Variants in SNTG2 observed in about 807,000 individuals in gnomAD.
SNTG2 encodes syntrophin gamma 2, also known as gamma-2-syntrophin.
In SNTG2, 74 loss-of-function variants were observed where a neutral mutation model predicts 70.9. The observed-to-expected ratio is 1.04, with a 90% CI of 0.86 to 1.27. The LOEUF is 1.27. Ranked by LOEUF, SNTG2 falls within the 50% of genes most tolerant of loss-of-function variation. SNTG2 has a pLI of 0.00. For synonymous variants in SNTG2, 278 were observed against 273.8 expected, an observed-to-expected ratio of 1.02 and a Z score of -0.15; for missense variants, 717 against 690.7, an observed-to-expected ratio of 1.04 and a Z score of -0.43.
intron 9 of SNTG2, among the ~76,000 whole-genome samples, chr2:1,215,784 T>C: frequency 6.9e-6 from 1 of 145,260 alleles, no homozygotes; most frequent in Non-Finnish European, 1.5e-5. Flanking sequence ...AATTCCCACC[T>C]ATGAGTGAGA....
chr2:1,020,123 T>G (rs1337835486), intron 1 of SNTG2, among the ~76,000 whole-genome samples: 1 of 152,208 alleles, frequency 6.6e-6, no homozygotes, highest in Non-Finnish European at 1.5e-5. Context: ...CATGAATCTC[T>G]TCTGATATTA....
In SNTG2 at chr2:1,347,415, C is replaced by G. The variant is rs147431371; in HGVS notation, c.1489-19928C>G. ...AAGTCAGACCCCAGCTGACCCTCAC[C>G]AGCCCTGCCCAGAGACTAGGACCAT... On this transcript the variant is annotated intron_variant, in intron 16 of 16. Transcript: ENST00000308624. Among the ~76,000 whole-genome samples, 5 of 152,316 alleles carry G rather than the reference C, an allele frequency of 3.3e-5. No individual in the cohort carries two copies. The East Asian group carries it at 9.7e-4, about 29-fold the overall frequency.
At position 1,330,819 on chromosome 2, in the gene SNTG2, C is replaced by T. The variant is rs377639189; in HGVS notation, c.1488+14444C>T. ...CAGCGGGTGTTGCCAACGGGGTGCCCCTTAAAGGAGAGCTCAGTTTTGGTA... is the reference window on the plus strand; with the variant it reads ...CAGCGGGTGTTGCCAACGGGGTGCCTCTTAAAGGAGAGCTCAGTTTTGGTA... On this transcript the variant is annotated intron_variant, in intron 16 of 16. Transcript: ENST00000308624. Among the ~76,000 whole-genome samples the T allele has an allele frequency of 6.6e-5, 10 of 152,204 alleles. No individual in the cohort carries two copies. In the South Asian group the frequency reaches 1.2e-3, roughly 19 times the overall value.
intron 14 of SNTG2, among the ~76,000 whole-genome samples, chr2:1,302,932 G>A (rs1307217304): frequency 6.6e-6 from 1 of 152,058 alleles, no homozygotes; most frequent in African/African-American, 2.4e-5. Context: ...CAGTCCACCG[G>A]GAAGACCCAG....
At chr2:1,244,247 C>A (rs374521445) in intron 11 of SNTG2, among the ~76,000 whole-genome samples, 4 of 152,200 alleles carry the variant, frequency 2.6e-5, no homozygotes, top group Admixed American at 1.3e-4. Context: ...GGGATGTGTT[C>A]GCCATTCGCT....
chr2:1,036,398 G>A (rs1487007333), intron 1 of SNTG2, among the ~76,000 whole-genome samples: 3 of 151,828 alleles, frequency 2.0e-5, no homozygotes, highest in Non-Finnish European at 4.4e-5. Flanking sequence ...ACTATAATCA[G>A]TCTTTGCCTT....
intron 1 of SNTG2, among the ~76,000 whole-genome samples, chr2:977,151 G>C (rs758936907): frequency 6.6e-6 from 1 of 152,182 alleles, no homozygotes; most frequent in Non-Finnish European, 1.5e-5. Flanking sequence ...GGGAGAGCCT[G>C]TTCCTATCAC....
intron 1 of SNTG2, among the ~76,000 whole-genome samples, chr2:995,604 G>A (rs1324303059): frequency 2.0e-5 from 3 of 152,088 alleles, no homozygotes; most frequent in African/African-American, 4.8e-5. Flanking sequence ...GATGTTTTTA[G>A]AAGAGTTTGT....
intron 11 of SNTG2, among the ~76,000 whole-genome samples, chr2:1,244,716 A>C (rs952608812): frequency 7.0e-6 from 1 of 142,624 alleles, no homozygotes; most frequent in African/African-American, 2.6e-5. Context: ...AAAAAAAAAA[A>C]CAGTTTGCAA....
chr2:1,024,396 G>GTC (rs1660362747), intron 1 of SNTG2, among the ~76,000 whole-genome samples: 1 of 152,034 alleles, frequency 6.6e-6, no homozygotes, highest in South Asian at 2.1e-4. Context: ...TTTAGACAGG[G>GTC]TCTCCATCTG....
chr2:1,088,928 C>T (rs781702751), intron 2 of SNTG2, among the ~76,000 whole-genome samples: 29 of 152,236 alleles, frequency 1.9e-4, no homozygotes, highest in Non-Finnish European at 2.9e-4. Flanking sequence ...GATGGCATGG[C>T]GAGGCAGTAT....
rs116197781 is a variant in SNTG2, at chr2:961,092, T to C, written c.72+10024T>C. On this transcript the variant is annotated intron_variant, in intron 1 of 16. Transcript: ENST00000308624. ...GATATAAATCTTTATCTTACTGATA[T>C]TGCCAGAGTTTCTAGTAAATGAGAA... 5.7e-3 allele frequency among the ~76,000 whole-genome samples: 875 copies of C among 152,380 alleles called. 10 individuals carry two copies. The highest frequency in any genetic ancestry group is 0.02 in the African/African-American group (825 of 41,584).
intron 8 of SNTG2, among the ~76,000 whole-genome samples, chr2:1,200,558 A>G (rs1201762298): frequency 6.6e-6 from 1 of 152,074 alleles, no homozygotes; most frequent in Non-Finnish European, 1.5e-5. Context: ...CTGCACAACA[A>G]AGGAATAATC....
chr2:1,330,635 A>G (rs1017516396), intron 16 of SNTG2, among the ~76,000 whole-genome samples: 6 of 152,226 alleles, frequency 3.9e-5, no homozygotes, highest in Admixed American at 6.5e-5. Flanking sequence ...TTCCCATTCA[A>G]TTAGTCGGGT....
At chr2:1,265,729 G>T (rs1368702535) in intron 13 of SNTG2, among the ~76,000 whole-genome samples, 1 of 152,242 alleles carries the variant, frequency 6.6e-6, no homozygotes, top group Non-Finnish European at 1.5e-5. Context: ...TGTGAGTGGG[G>T]ACTGTCCAGC....
At chr2:959,271 G>T (rs191874185) in intron 1 of SNTG2, among the ~76,000 whole-genome samples, 1 of 152,124 alleles carries the variant, frequency 6.6e-6, no homozygotes, top group African/African-American at 2.4e-5. Flanking sequence ...CTTTGTAAGC[G>T]CTGGGATGTA....
rs558474671 is a variant in SNTG2 at position 978,957 on chromosome 2, T to C, written c.72+27889T>C. Among the ~76,000 whole-genome samples, 6 of 152,356 alleles carry C rather than the reference T, an allele frequency of 3.9e-5. No homozygotes were observed. In the East Asian group the frequency reaches 1.2e-3, roughly 29 times the overall value. On this transcript the variant is annotated intron_variant, in intron 1 of 16. Transcript: ENST00000308624. ...AATATTATGTATTCATTTTAAAAAATGAGCACTTGGTGTGTTGCAGGCTCC... is the reference window on the plus strand; with the variant it reads ...AATATTATGTATTCATTTTAAAAAACGAGCACTTGGTGTGTTGCAGGCTCC...
chr2:959,567 G>T (rs989551323), intron 1 of SNTG2, among the ~76,000 whole-genome samples: 2 of 151,858 alleles, frequency 1.3e-5, no homozygotes, highest in African/African-American at 4.8e-5. Context: ...CTGCCTGGGG[G>T]TGTGGTGTTC....
intron 12 of SNTG2, among the ~76,000 whole-genome samples, chr2:1,255,621 A>T (rs1401419574): frequency 6.6e-6 from 1 of 151,810 alleles, no homozygotes; most frequent in Non-Finnish European, 1.5e-5. Flanking sequence ...GGGGCGCAGG[A>T]ATCTGCATCG....
Sources: allele counts gnomAD v4.1 joint callset (sites outside exome capture counted in the v4.1 genomes callset), GRCh38; gene constraint gnomAD v4.1.1; transcripts MANE v1.5; gene names NCBI Gene and HGNC (gene_info 2026-07-23, HGNC 2026-07-21).